Variants in PIP4K2A observed in about 807,000 individuals in gnomAD.
PIP4K2A encodes the protein phosphatidylinositol 5-phosphate 4-kinase type-2 alpha.
PIP4K2A carries 14 observed loss-of-function variants against 42.9 expected under a neutral mutation model. That is an observed-to-expected ratio of 0.33 (90% CI 0.22 to 0.51). The LOEUF is 0.51. PIP4K2A is among the 20% of genes least tolerant of loss of function. The pLI is 0.97. For missense variants in PIP4K2A, 434 were observed against 519.8 expected, an observed-to-expected ratio of 0.83 and a Z score of 1.61; for synonymous variants, 192 against 192.2, an observed-to-expected ratio of 1.00 and a Z score of 0.01.
chr10:22,713,131 C>G (rs558958457), intron 1 of PIP4K2A, among the ~76,000 whole-genome samples: 10 of 152,284 alleles, frequency 6.6e-5, no homozygotes, highest in African/African-American at 2.4e-4. Flanking sequence ...CCTGGCTGAG[C>G]CAACAGCTCC....
At chr10:22,547,210 A>G (rs1836277695) in intron 7 of PIP4K2A, among the ~76,000 whole-genome samples, 1 of 152,242 alleles carries the variant, frequency 6.6e-6, no homozygotes, top group South Asian at 2.1e-4. Flanking sequence ...GTAGAATTAA[A>G]ATGCCAGTCA....
chr10:22,613,915 A>G (rs1193793591), intron 1 of PIP4K2A, among the ~76,000 whole-genome samples: 1 of 152,172 alleles, frequency 6.6e-6, no homozygotes, highest in East Asian at 1.9e-4. Flanking sequence ...ACAAAACAAG[A>G]TCCCTGACTG....
chr10:22,636,101 T>G (rs1163252488), intron 1 of PIP4K2A, among the ~76,000 whole-genome samples: 1 of 151,986 alleles, frequency 6.6e-6, no homozygotes, highest in Non-Finnish European at 1.5e-5. Context: ...AAAAAAATTG[T>G]GAAAATCTTC....
At chr10:22,599,121 T>C (rs1430508555) in intron 3 of PIP4K2A, among the ~76,000 whole-genome samples, 2 of 152,214 alleles carry the variant, frequency 1.3e-5, no homozygotes, top group Non-Finnish European at 2.9e-5. Flanking sequence ...ACTGAATAAA[T>C]TAAACGAGTT....
chr10:22,662,193 CTTCATT>C (rs1434154904), intron 1 of PIP4K2A, among the ~76,000 whole-genome samples: 1 of 152,234 alleles, frequency 6.6e-6, no homozygotes, highest in African/African-American at 2.4e-5. Context: ...TCCTATTCCA[CTTCATT>C]TTCATTTTTA....
chr10:22,548,546 TAATC>T (rs1250319923), intron 7 of PIP4K2A, among the ~76,000 whole-genome samples: 11 of 152,214 alleles, frequency 7.2e-5, no homozygotes, highest in South Asian at 2.1e-4. Context: ...ATTTGCTGAT[TAATC>T]AATAAAAATC....
intron 1 of PIP4K2A, among the ~76,000 whole-genome samples, chr10:22,656,220 C>T (rs986961598): frequency 6.6e-6 from 1 of 152,244 alleles, no homozygotes; most frequent in Non-Finnish European, 1.5e-5. Flanking sequence ...CGCTCCTCCA[C>T]ATCTACTCAG....
chr10:22,583,403 G>T lies in PIP4K2A; in HGVS notation c.492+8226C>A, dbSNP rs184499245. ...CCTGAGTAGCCTATGCCTGGGGCTG[G>T]GGGGGAGCTGATCATTTGGGCAGGT... On this transcript the variant is annotated intron_variant, in intron 4 of 9. Transcript: ENST00000376573. Among the ~76,000 whole-genome samples the T allele has an allele frequency of 1.4e-4, 22 of 152,298 alleles. 1 individual carries two copies. The highest frequency in any genetic ancestry group is 1.0e-3 in the Admixed American group (16 of 15,308).
chr10:22,707,725 C>G (rs1419009833), intron 1 of PIP4K2A, among the ~76,000 whole-genome samples: 1 of 152,060 alleles, frequency 6.6e-6, no homozygotes, highest in African/African-American at 2.4e-5. Flanking sequence ...TATGCGTGTT[C>G]CCCCCCAAGA....
intron 1 of PIP4K2A, among the ~76,000 whole-genome samples, chr10:22,676,360 T>C (rs927406898): frequency 2.0e-5 from 3 of 152,186 alleles, no homozygotes; most frequent in African/African-American, 7.2e-5. Flanking sequence ...CAAAGGGCCA[T>C]GTAACAGCCC....
chr10:22,549,477 G>A (rs562477318), intron 7 of PIP4K2A, among the ~76,000 whole-genome samples: 1 of 152,088 alleles, frequency 6.6e-6, no homozygotes, highest in East Asian at 1.9e-4. Context: ...GCTAAGAAAA[G>A]CTGAGTTTAG....
At chr10:22,555,334 C>T (rs1189530658) in intron 6 of PIP4K2A, among the ~76,000 whole-genome samples, 1 of 152,128 alleles carries the variant, frequency 6.6e-6, no homozygotes, top group African/African-American at 2.4e-5. Context: ...GATTTGCAAA[C>T]ATAGGGTTGT....
At chr10:22,667,898 T>TAA (rs1839379179) in intron 1 of PIP4K2A, among the ~76,000 whole-genome samples, 2 of 137,508 alleles carry the variant, frequency 1.5e-5, no homozygotes, top group Non-Finnish European at 3.1e-5. Context: ...TGTGTGTGTG[T>TAA]GTGTGTGTGT....
intron 1 of PIP4K2A, among the ~76,000 whole-genome samples, chr10:22,622,519 C>T (rs1190129446): frequency 6.6e-6 from 1 of 152,238 alleles, no homozygotes; most frequent in Non-Finnish European, 1.5e-5. Context: ...GCAATCGCAC[C>T]TTTGGCCTGG....
chr10:22,647,325 T>TGTGTGTGCACGCGC (rs1491252110), intron 1 of PIP4K2A, among the ~76,000 whole-genome samples: 2 of 84,652 alleles, frequency 2.4e-5, no homozygotes, highest in Non-Finnish European at 6.2e-5. Flanking sequence ...TGTGTGTGTA[T>TGTGTGTGCACGCGC]GTGTGTGTGT....
chr10:22,550,851 C>T, intron 6 of PIP4K2A, 79 bp from the exon 7 acceptor site: 1 of 862,148 alleles, frequency 1.2e-6, no homozygotes, highest in Non-Finnish European at 2.0e-6. Flanking sequence ...CAACCCTGGA[C>T]ACTGAAGTTT....
rs1227219936 is a variant in PIP4K2A at position 22,537,294 on chromosome 10, TA to T, written c.1141-14del. 6.4e-7 allele frequency: 1 copy of T among 1,574,566 alleles called. No individual in the cohort carries two copies. The highest frequency in any genetic ancestry group is 2.3e-5 in the East Asian group (1 of 43,166). ...TCTCCGCGCCAGCCTGGGCAGTTTT[TA>T]AAAAAGGAAATATTGACATAGTGTT... On this transcript the variant is annotated splice_polypyrimidine_tract_variant and intron_variant, in intron 9 of 9. Transcript: ENST00000376573.
At chr10:22,636,522 C>T (rs1838666233) in intron 1 of PIP4K2A, among the ~76,000 whole-genome samples, 1 of 152,182 alleles carries the variant, frequency 6.6e-6, no homozygotes. Context: ...CTCAGCCTCC[C>T]CAAAGTGGTA....
At chr10:22,675,757 A>T (rs561915701) in intron 1 of PIP4K2A, among the ~76,000 whole-genome samples, 23 of 152,308 alleles carry the variant, frequency 1.5e-4, no homozygotes, top group Middle Eastern at 3.4e-3. Context: ...GAGCCCTCAC[A>T]TCCACTCTAC....
Sources: allele counts gnomAD v4.1 joint callset (sites outside exome capture counted in the v4.1 genomes callset), GRCh38; gene constraint gnomAD v4.1.1; transcripts MANE v1.5; gene names NCBI Gene and HGNC (gene_info 2026-07-23, HGNC 2026-07-21).